The following IGF1R variants were observed in gnomAD, a reference collection of about 807,000 sequenced individuals.
IGF1R encodes insulin like growth factor 1 receptor.
In IGF1R, 44 loss-of-function variants were observed where a neutral mutation model predicts 144.6. The observed-to-expected ratio is 0.30, with a 90% confidence interval of 0.24 to 0.39. The LOEUF (loss-of-function observed/expected upper bound fraction) is 0.39. IGF1R is among the 10% of genes least tolerant of loss of function. The pLI is 1.00. For synonymous variants in IGF1R, 795 were observed against 722.8 expected, an observed-to-expected ratio of 1.10 and a Z score of -1.60; for missense variants, 1,355 against 1,833.7, an observed-to-expected ratio of 0.74 and a Z score of 4.77.
intron 1 of IGF1R, among the ~76,000 whole-genome samples, chr15:98,667,121 C>A (rs2052762676): frequency 6.6e-6 from 1 of 151,728 alleles, no homozygotes; most frequent in Non-Finnish European, 1.5e-5. Flanking sequence ...TTTTCTATAT[C>A]AAGAGACAGT....
intron 2 of IGF1R, among the ~76,000 whole-genome samples, chr15:98,887,733 G>A (rs1447814993): frequency 1.3e-5 from 2 of 152,228 alleles, no homozygotes. Flanking sequence ...GAACCTCACA[G>A]ATCCATTATA....
intron 2 of IGF1R, among the ~76,000 whole-genome samples, chr15:98,867,855 A>G (rs981083849): frequency 9.2e-5 from 14 of 152,178 alleles, no homozygotes; most frequent in African/African-American, 3.4e-4. Flanking sequence ...AATAATTGAG[A>G]AATATTTTGA....
chr15:98,937,052 AT>A (rs759354466), intron 17 of IGF1R, among the ~76,000 whole-genome samples: 1 of 151,934 alleles, frequency 6.6e-6, no homozygotes, highest in Non-Finnish European at 1.5e-5. Context: ...CGCCCACCTA[AT>A]TTTTGTATTT....
At chr15:98,937,304 A>G (rs780595930) in intron 17 of IGF1R, among the ~76,000 whole-genome samples, 2 of 152,162 alleles carry the variant, frequency 1.3e-5, no homozygotes, top group Non-Finnish European at 2.9e-5. Context: ...GAAAAGTCCA[A>G]AACTCACTCC....
At chr15:98,738,018 A>G (rs2054652670) in intron 2 of IGF1R, among the ~76,000 whole-genome samples, 1 of 152,188 alleles carries the variant, frequency 6.6e-6, no homozygotes, top group African/African-American at 2.4e-5. Flanking sequence ...GGCTCTAGGC[A>G]GGCTGTTTCC....
chr15:98,681,664 T>TG (rs956331186), intron 1 of IGF1R, among the ~76,000 whole-genome samples: 1 of 152,148 alleles, frequency 6.6e-6, no homozygotes, highest in African/African-American at 2.4e-5. Flanking sequence ...AGGCTATTCT[T>TG]GGGGGAGTTG....
At chr15:98,925,108 G>C (rs1403499195) in intron 13 of IGF1R, among the ~76,000 whole-genome samples, 1 of 152,092 alleles carries the variant, frequency 6.6e-6, no homozygotes, top group African/African-American at 2.4e-5. Flanking sequence ...GAAATCCTAA[G>C]GGGTGTAAGG....
chr15:98,652,302 C>T (rs1453229176), intron 1 of IGF1R, among the ~76,000 whole-genome samples: 1 of 152,166 alleles, frequency 6.6e-6, no homozygotes, highest in Non-Finnish European at 1.5e-5. Context: ...TTTATTGTAC[C>T]CATCTCCTTA....
At chr15:98,651,122 A>C in intron 1 of IGF1R, 1 of 953,156 alleles carries the variant, frequency 1.0e-6, no homozygotes, top group Non-Finnish European at 1.2e-6. Flanking sequence ...GGTGCCGATT[A>C]ACTTTGAAAA....
At chr15:98,742,346 G>C (rs962973596) in intron 2 of IGF1R, among the ~76,000 whole-genome samples, 1 of 152,214 alleles carries the variant, frequency 6.6e-6, no homozygotes, top group African/African-American at 2.4e-5. Context: ...CACATAACTA[G>C]TGCTGCTATT....
At chr15:98,797,430 G>A (rs1266656798) in intron 2 of IGF1R, among the ~76,000 whole-genome samples, 1 of 152,356 alleles carries the variant, frequency 6.6e-6, no homozygotes, top group Admixed American at 6.5e-5. Context: ...CATATGTGGT[G>A]ACAGATGTTG....
chr15:98,780,772 G>A (rs150284185), intron 2 of IGF1R, among the ~76,000 whole-genome samples: 2 of 152,194 alleles, frequency 1.3e-5, no homozygotes, highest in Admixed American at 6.5e-5. Context: ...TAAGTGAATT[G>A]CTTAATGTTT....
At chr15:98,860,858 T>C (rs373225185) in intron 2 of IGF1R, among the ~76,000 whole-genome samples, 77 of 152,342 alleles carry the variant, frequency 5.1e-4, no homozygotes, top group African/African-American at 1.8e-3. Flanking sequence ...ATTTCTAAGC[T>C]TGTTAGAGTT....
At chr15:98,702,040 T>TG (rs2053748241) in intron 1 of IGF1R, among the ~76,000 whole-genome samples, 2 of 148,764 alleles carry the variant, frequency 1.3e-5, no homozygotes, top group Admixed American at 1.3e-4. Flanking sequence ...GCTGTTTTTT[T>TG]TTTTTTTTTT....
At chr15:98,861,157 C>G (rs1025284307) in intron 2 of IGF1R, among the ~76,000 whole-genome samples, 4 of 152,098 alleles carry the variant, frequency 2.6e-5, no homozygotes, top group African/African-American at 7.2e-5. Flanking sequence ...CGAAGCCCAA[C>G]TCAGTAGTGA....
chr15:98,952,303 A>AACACACACACACACACACACACACACAC (rs143223923), intron 20 of IGF1R, among the ~76,000 whole-genome samples: 2 of 146,572 alleles, frequency 1.4e-5, no homozygotes, highest in African/African-American at 2.5e-5. Flanking sequence ...GTACCCCACC[A>AACACACACACACACACACACACACACAC]ACACACACAC....
intron 7 of IGF1R, 129 bp from the exon 8 acceptor site, chr15:98,912,915 G>T: frequency 1.4e-6 from 1 of 693,484 alleles, no homozygotes; most frequent in Non-Finnish European, 2.6e-6. Flanking sequence ...TTCTATAAAA[G>T]TCTAATTGAT....
chr15:98,682,621 C>T (rs555480808), intron 1 of IGF1R, among the ~76,000 whole-genome samples: 2 of 152,050 alleles, frequency 1.3e-5, no homozygotes, highest in East Asian at 1.9e-4. Context: ...GATCTCGGCT[C>T]ACTGCAGCCT....
At chr15:98,910,883 A>C (rs1031313788) in intron 6 of IGF1R, among the ~76,000 whole-genome samples, 1 of 152,242 alleles carries the variant, frequency 6.6e-6, no homozygotes, top group African/African-American at 2.4e-5. Context: ...ACGAACAGGC[A>C]GATATCCACA....
Sources: gnomAD v4.1 joint callset for allele counts (sites outside exome capture counted in the v4.1 genomes callset) on GRCh38, gnomAD v4.1.1 for gene constraint, MANE v1.5 for transcripts, NCBI Gene and HGNC (gene_info 2026-07-23, HGNC 2026-07-21) for gene names.